LTBP1: variants seen among roughly 807,000 people sequenced by gnomAD.
LTBP1 encodes latent-transforming growth factor beta-binding protein 1.
In LTBP1, 129 loss-of-function variants were observed where a neutral mutation model predicts 207.6. The observed-to-expected ratio is 0.62, with a 90% CI of 0.54 to 0.72. The LOEUF (loss-of-function observed/expected upper bound fraction) is 0.72. LTBP1 is among the 30% of genes least tolerant of loss of function. The pLI is 0.00. For missense variants in LTBP1, 2,281 were observed against 2,217.2 expected, an observed-to-expected ratio of 1.03 and a Z score of -0.58; for synonymous variants, 963 against 833.7, an observed-to-expected ratio of 1.16 and a Z score of -2.67.
At chr2:33,348,373 G>C (rs113389274) in intron 26 of LTBP1, among the ~76,000 whole-genome samples, 3,627 of 152,244 alleles carry the variant, frequency 0.024, 60 homozygotes, top group South Asian at 0.059. Context: ...ATTAAATATA[G>C]AAAGGTGAAG....
At chr2:33,316,132 G>A (rs1207017723) in intron 24 of LTBP1, among the ~76,000 whole-genome samples, 1 of 136,712 alleles carries the variant, frequency 7.3e-6, no homozygotes, top group East Asian at 2.1e-4. Context: ...ACCTCTGTAT[G>A]TTTGCAAGAA....
At chr2:33,245,082 A>G (rs779031275) in intron 10 of LTBP1, among the ~76,000 whole-genome samples, 8 of 151,974 alleles carry the variant, frequency 5.3e-5, no homozygotes, top group Non-Finnish European at 8.8e-5. Context: ...GTTTTGCCAT[A>G]TTGGTCAGGC....
intron 20 of LTBP1, among the ~76,000 whole-genome samples, chr2:33,294,694 T>G (rs1290617047): frequency 6.7e-6 from 1 of 150,362 alleles, no homozygotes; most frequent in Admixed American, 6.7e-5. Flanking sequence ...TTCTCCTGCC[T>G]CAGCCGCCTG....
In LTBP1 at chr2:33,134,463, G is replaced by A. The variant is rs191741141; in HGVS notation, c.1034-330G>A. ...TGGCTCTTTAATCTGTCGTGCCCTCGGTATTGCTCTTTGTCTGCCCGTGAA... is the reference window on the plus strand; with the variant it reads ...TGGCTCTTTAATCTGTCGTGCCCTCAGTATTGCTCTTTGTCTGCCCGTGAA... On this transcript the variant is annotated intron_variant, in intron 4 of 33. Transcript: ENST00000404816. This position sits in a 1 kb window ranked among gnomAD's most constrained non-coding sequence, Gnocchi z 4.4. 180 of 994,160 alleles carry A rather than the reference G, an allele frequency of 1.8e-4. 1 individual carries two copies. The African/African-American group carries it at 2.4e-3, about 13-fold the overall frequency. 61.6% of individuals were successfully genotyped at this position (994,160 alleles called of 1,614,324 possible).
At chr2:33,252,418 C>G (rs577278553) in intron 10 of LTBP1, among the ~76,000 whole-genome samples, 6 of 152,260 alleles carry the variant, frequency 3.9e-5, no homozygotes, top group African/African-American at 1.2e-4. Context: ...GCACACATAC[C>G]TAATTGCATG....
At chr2:33,209,910 C>G (rs2090173369) in intron 7 of LTBP1, among the ~76,000 whole-genome samples, 1 of 152,198 alleles carries the variant, frequency 6.6e-6, no homozygotes, top group African/African-American at 2.4e-5. Context: ...AAACGGATGT[C>G]TCTAGTGCCA....
Position 33,365,514 on chromosome 2 carries a change from A to G in LTBP1, c.4711+11A>G. 1 of 1,608,492 alleles carries G rather than the reference A, an allele frequency of 6.2e-7. No homozygotes were observed. Among genetic ancestry groups the G allele is most frequent in the Non-Finnish European group, 8.5e-7 (1 of 1,177,218 alleles). The stretch of plus-strand genomic sequence containing the variant: ...CCCTGAAGGATTCAGGTGAGCCCAT[A>G]TCCAATTCCTTCTGCAGGAGGCCTT... On this transcript the variant is annotated intron_variant, in intron 31 of 33. Transcript: ENST00000404816.
At chr2:33,276,497 A>G (rs1240980435) in intron 18 of LTBP1, among the ~76,000 whole-genome samples, 3 of 152,192 alleles carry the variant, frequency 2.0e-5, no homozygotes, top group Non-Finnish European at 4.4e-5. Flanking sequence ...GGTCACAATT[A>G]TTATCCTTTT....
chr2:33,306,021 T>G (rs916616111), intron 22 of LTBP1, among the ~76,000 whole-genome samples: 3 of 152,138 alleles, frequency 2.0e-5, no homozygotes, highest in African/African-American at 7.2e-5. Context: ...AGGAAAAATA[T>G]ATATTTTCGC....
intron 2 of LTBP1, among the ~76,000 whole-genome samples, chr2:32,965,534 A>G (rs115329351): frequency 0.066 from 9,985 of 152,156 alleles, 588 homozygotes; most frequent in East Asian, 0.24. Context: ...CTGTCTCCAT[A>G]GTTTTGCCTC....
intron 4 of LTBP1, among the ~76,000 whole-genome samples, chr2:33,122,879 C>T (rs1025787032): frequency 1.1e-4 from 17 of 152,134 alleles, no homozygotes; most frequent in African/African-American, 3.9e-4. Context: ...CGCAGTTGAA[C>T]ATCCTGTTGC....
chr2:33,102,948 G>A (rs1004397281), intron 3 of LTBP1, among the ~76,000 whole-genome samples: 6 of 149,624 alleles, frequency 4.0e-5, no homozygotes, highest in Non-Finnish European at 8.9e-5. Flanking sequence ...ATTCATTGTC[G>A]GCATAGTCTG....
chr2:33,089,571 TGA>T (rs2078961457), intron 3 of LTBP1, among the ~76,000 whole-genome samples: 1 of 152,240 alleles, frequency 6.6e-6, no homozygotes, highest in East Asian at 1.9e-4. Context: ...CCAATAGTGT[TGA>T]GGCTGAGAAA....
chr2:33,289,359 CT>C (rs2093729354), intron 19 of LTBP1, among the ~76,000 whole-genome samples: 1 of 152,108 alleles, frequency 6.6e-6, no homozygotes, highest in Non-Finnish European at 1.5e-5. Context: ...ATCCATTTTT[CT>C]TTTCTTTCTT....
intron 32 of LTBP1, among the ~76,000 whole-genome samples, chr2:33,389,570 T>C (rs1172421415): frequency 6.6e-6 from 1 of 152,138 alleles, no homozygotes; most frequent in East Asian, 1.9e-4. Context: ...AATGAGACCC[T>C]ATCTCAAAAC....
chr2:33,396,685 A>G (rs111964044), intron 32 of LTBP1, among the ~76,000 whole-genome samples: 1 of 152,324 alleles, frequency 6.6e-6, no homozygotes, highest in Non-Finnish European at 1.5e-5. Context: ...TGGTCTTACA[A>G]ACGCCGGCTG....
At chr2:32,959,818 A>G (rs1258617662) in intron 2 of LTBP1, among the ~76,000 whole-genome samples, 2 of 150,958 alleles carry the variant, frequency 1.3e-5, no homozygotes, top group East Asian at 3.9e-4. Flanking sequence ...ATGGGGTTTC[A>G]CCACTTTGGC....
intron 5 of LTBP1, among the ~76,000 whole-genome samples, chr2:33,182,699 T>TATATATATACATATATATATATATATAC (rs1553443098): frequency 2.5e-5 from 2 of 78,828 alleles, no homozygotes; most frequent in African/African-American, 9.6e-5. Flanking sequence ...TATATATATA[T>TATATATATACATATATATATATATATAC]ACACACACAC....
At chr2:33,283,182 A>G (rs907940921) in intron 19 of LTBP1, among the ~76,000 whole-genome samples, 2 of 152,010 alleles carry the variant, frequency 1.3e-5, no homozygotes, top group African/African-American at 2.4e-5. Flanking sequence ...AGTACAATAT[A>G]TAGGATGTCA....
Sources: gnomAD v4.1 joint callset for allele counts (sites outside exome capture counted in the v4.1 genomes callset) on GRCh38, gnomAD v4.1.1 for gene constraint, Gnocchi (gnomAD v3.1) non-coding constraint, MANE v1.5 for transcripts, NCBI Gene and HGNC (gene_info 2026-07-23, HGNC 2026-07-21) for gene names.